Variants in VPS13A observed in about 807,000 individuals in gnomAD.
VPS13A encodes intermembrane lipid transfer protein VPS13A.
In VPS13A, 264 loss-of-function variants were observed where a neutral mutation model predicts 390.9. The observed-to-expected ratio is 0.68, with a 90% confidence interval of 0.61 to 0.75. The LOEUF is 0.75. Among genes scored for constraint, VPS13A ranks in the 30% least tolerant of loss-of-function variants. The probability of loss-of-function intolerance (pLI) is 0.00; values close to 1 mark genes in which losing one functional copy is unlikely to be tolerated. For synonymous variants in VPS13A, 1,231 were observed against 1,227.1 expected, an observed-to-expected ratio of 1.00 and a Z score of -0.07; for missense variants, 3,409 against 3,733.9, an observed-to-expected ratio of 0.91 and a Z score of 2.27.
chr9:77,331,863 A>G (rs1391363176), intron 45 of VPS13A, 147 bp from the exon 46 acceptor site: 5 of 587,162 alleles, frequency 8.5e-6, no homozygotes, highest in African/African-American at 3.8e-5. Context: ...GATAAATAAT[A>G]TGTTTGTTTC....
chr9:77,247,632 A>T (rs1266918998), intron 20 of VPS13A, among the ~76,000 whole-genome samples: 1 of 152,102 alleles, frequency 6.6e-6, no homozygotes, highest in Non-Finnish European at 1.5e-5. Context: ...GTTTGAATCT[A>T]AGCTTGATTG....
At chr9:77,368,995 A>G (rs1208314744) in intron 62 of VPS13A, among the ~76,000 whole-genome samples, 1 of 152,158 alleles carries the variant, frequency 6.6e-6, no homozygotes, top group Non-Finnish European at 1.5e-5. Context: ...TTAGCCAGGC[A>G]TGGTGGTGCA....
intron 24 of VPS13A, 127 bp downstream of exon 24, chr9:77,273,491 T>C (rs1178468782): frequency 1.4e-6 from 1 of 715,392 alleles, no homozygotes; most frequent in Non-Finnish European, 2.3e-6. Context: ...TCTAGGTTCT[T>C]GACTGAGGCT....
In VPS13A at chr9:77,321,677, C is replaced by T. The variant is rs1369905878; in HGVS notation, c.5761C>T (p.Arg1921Ter). The stretch of plus-strand genomic sequence containing the variant: ...AGAAAGTTTAAGTATGGATTATATC[C>T]GAACCAAGGACAATGATCATTTCAA... The part of the protein sequence containing the change: ...NGESLSMDYI[R>*]TKDNDHFNAM... The change falls in exon 44 of 72, where the codon CGA becomes TGA. Residue 1921 changes from arginine (R) to a stop codon, truncating the protein, a stop_gained. Coordinates refer to ENST00000360280, the MANE Select transcript of VPS13A (RefSeq NM_033305.3). LOFTEE classifies it high-confidence loss of function. 2.5e-6 allele frequency: 4 copies of T among 1,613,136 alleles called. No individual in the cohort carries two copies. The highest frequency in any genetic ancestry group is 3.4e-6 in the Non-Finnish European group (4 of 1,179,470).
chr9:77,234,728 C>T (rs1185118666), intron 17 of VPS13A, among the ~76,000 whole-genome samples: 1 of 152,080 alleles, frequency 6.6e-6, no homozygotes, highest in African/African-American at 2.4e-5. Flanking sequence ...CTTATACCTT[C>T]TGTACCCTCA....
At chr9:77,377,213 T>TTTG (rs1833138606) in intron 67 of VPS13A, among the ~76,000 whole-genome samples, 1 of 109,266 alleles carries the variant, frequency 9.2e-6, no homozygotes, top group Non-Finnish European at 2.0e-5. Flanking sequence ...GTTTTTTTTT[T>TTTG]TTTTTTTTTT....
At chr9:77,398,416 T>C (rs1371197875) in intron 68 of VPS13A, among the ~76,000 whole-genome samples, 1 of 152,150 alleles carries the variant, frequency 6.6e-6, no homozygotes. Context: ...GGTGAAAATT[T>C]AGATTTAGAA....
intron 1 of VPS13A, among the ~76,000 whole-genome samples, chr9:77,193,165 G>A (rs1480935744): frequency 1.3e-5 from 2 of 151,744 alleles, no homozygotes; most frequent in African/African-American, 4.9e-5. Context: ...TGAAGTTCTT[G>A]TAGTGAGTTT....
intron 44 of VPS13A, among the ~76,000 whole-genome samples, chr9:77,322,724 G>T (rs1829817795): frequency 6.6e-6 from 1 of 151,984 alleles, no homozygotes; most frequent in Admixed American, 6.6e-5. Context: ...TAGTCACCTT[G>T]ATATTTACCA....
intron 42 of VPS13A, among the ~76,000 whole-genome samples, 153 bp from the exon 43 acceptor site, chr9:77,321,016 G>A (rs766678619): frequency 4.0e-5 from 6 of 151,864 alleles, no homozygotes; most frequent in Admixed American, 6.6e-5. Context: ...ACCTTAGTTG[G>A]CTGATGTCCA....
intron 23 of VPS13A, among the ~76,000 whole-genome samples, chr9:77,265,838 T>A (rs991639078): frequency 1.4e-4 from 22 of 152,204 alleles, no homozygotes; most frequent in African/African-American, 5.1e-4. Flanking sequence ...TCTGCTACCT[T>A]TTGAATTTGT....
intron 31 of VPS13A, among the ~76,000 whole-genome samples, chr9:77,286,705 G>T (rs1162256420): frequency 6.6e-6 from 1 of 152,166 alleles, no homozygotes; most frequent in Non-Finnish European, 1.5e-5. Context: ...TGGACAGGTA[G>T]ACATCACAGT....
chr9:77,322,849 T>C (rs1313663318), intron 44 of VPS13A, among the ~76,000 whole-genome samples: 1 of 152,048 alleles, frequency 6.6e-6, no homozygotes, highest in Non-Finnish European at 1.5e-5. Flanking sequence ...TTGCTATTGT[T>C]GTCTTGGGTT....
At chr9:77,410,878 C>G (rs1183106422) in intron 71 of VPS13A, among the ~76,000 whole-genome samples, 11 of 151,356 alleles carry the variant, frequency 7.3e-5, no homozygotes, top group East Asian at 1.9e-4. Context: ...AACATTAGAT[C>G]AACGAGACAA....
At chr9:77,197,786 G>T (rs531663108) in intron 1 of VPS13A, among the ~76,000 whole-genome samples, 82 of 152,276 alleles carry the variant, frequency 5.4e-4, no homozygotes, top group African/African-American at 1.8e-3. Context: ...TTTTCTGCAT[G>T]AAACAAAGCT....
rs185631403 is a variant in VPS13A at position 77,227,920 on chromosome 9, C to T, written c.1453-202C>T. On this transcript the variant is annotated intron_variant, in intron 16 of 71. Coordinates refer to ENST00000360280, the MANE Select transcript of VPS13A (RefSeq NM_033305.3). ...ACTGACTTGTTCTGTGATCTTTTTT[C>T]TGGGTCTGTAATTGCATTTATTTTA... 2.8e-4 allele frequency among the ~76,000 whole-genome samples: 43 copies of T among 151,276 alleles called. No homozygotes were observed. In the East Asian group the frequency reaches 6.2e-3, roughly 22 times the overall value.
At chr9:77,260,307 T>C in intron 23 of VPS13A, 83 bp downstream of exon 23, 1 of 1,388,944 alleles carries the variant, frequency 7.2e-7, no homozygotes, top group South Asian at 1.3e-5. Context: ...GAATTTTATA[T>C]AAGACAATTT....
chr9:77,275,403 G>A (rs1826593244), intron 24 of VPS13A, 95 bp from the exon 25 acceptor site: 1 of 1,157,842 alleles, frequency 8.6e-7, no homozygotes, highest in Non-Finnish European at 1.3e-6. Context: ...TTAAAAGAGA[G>A]CCTTAGTGTT....
At chr9:77,401,013 G>C (rs759622048) in intron 68 of VPS13A, among the ~76,000 whole-genome samples, 30 of 152,146 alleles carry the variant, frequency 2.0e-4, no homozygotes, top group Admixed American at 6.5e-4. Context: ...CTAATTTGAA[G>C]TGCTGTCTTC....
Sources: allele counts gnomAD v4.1 joint callset (sites outside exome capture counted in the v4.1 genomes callset), GRCh38; gene constraint gnomAD v4.1.1; transcripts MANE v1.5; gene names NCBI Gene and HGNC (gene_info 2026-07-23, HGNC 2026-07-21).